The following STK32C variants were observed in gnomAD, a reference collection of about 807,000 sequenced individuals.
The protein encoded by STK32C is serine/threonine kinase 32C, also known as serine/threonine-protein kinase 32C.
Under a neutral mutation model 56.5 loss-of-function variants are expected in STK32C, and 31 were observed. That is an observed-to-expected ratio of 0.55 (90% CI 0.41 to 0.74). The LOEUF is 0.74. Ranked by LOEUF, STK32C falls within the 30% of genes least tolerant of loss-of-function variation. STK32C has a pLI of 0.00. For synonymous variants in STK32C, 309 were observed against 289.4 expected, an observed-to-expected ratio of 1.07 and a Z score of -0.69; for missense variants, 544 against 676.9, an observed-to-expected ratio of 0.80 and a Z score of 2.18.
chr10:132,224,068 T>C (rs1382586618), intron 8 of STK32C, among the ~76,000 whole-genome samples: 2 of 149,344 alleles, frequency 1.3e-5, no homozygotes, highest in Non-Finnish European at 3.0e-5. Context: ...TTCCAATACG[T>C]GGGACAAGGG....
chr10:132,268,181 A>G (rs923723781), intron 1 of STK32C, among the ~76,000 whole-genome samples: 12 of 137,242 alleles, frequency 8.7e-5, no homozygotes, highest in African/African-American at 3.4e-4. Context: ...ATGCATGTGT[A>G]TGCAGGTTCA....
intron 2 of STK32C, 40 bp from the exon 3 acceptor site, chr10:132,228,168 G>A (rs201883165): frequency 4.3e-5 from 69 of 1,613,026 alleles, no homozygotes; most frequent in Middle Eastern, 1.7e-4. Context: ...GCCTGAGGAC[G>A]CCTGGGGACA....
At chr10:132,232,812 TC>T (rs1420678114) in intron 2 of STK32C, among the ~76,000 whole-genome samples, 3 of 148,890 alleles carry the variant, frequency 2.0e-5, no homozygotes, top group African/African-American at 7.7e-5. Context: ...CCTGGGCTTT[TC>T]CTATGAAACG....
At position 132,324,413 on chromosome 10, in the gene STK32C, G is replaced by A. The variant is rs772875303; in HGVS notation, c.302-40C>T. Reference sequence around the variant, plus strand: ...AGAGGTCATCTTCACTTTGCAGTCTGAACTCTTTTCAAGGAAGAGCAATGT... The same window carrying A: ...AGAGGTCATCTTCACTTTGCAGTCTAAACTCTTTTCAAGGAAGAGCAATGT... On this transcript the variant is annotated intron_variant, in intron 1 of 1. Coordinates refer to the STK32C transcript ENST00000368619. The A allele has an allele frequency of 9.3e-6, 7 of 754,434 alleles. No individual in the cohort carries two copies. The South Asian group carries it at 9.8e-5, about 11-fold the overall frequency. 46.7% of individuals were successfully genotyped at this position (754,434 alleles called of 1,614,324 possible).
At chr10:132,233,180 G>A (rs1300817985) in intron 2 of STK32C, among the ~76,000 whole-genome samples, 1 of 152,138 alleles carries the variant, frequency 6.6e-6, no homozygotes, top group Non-Finnish European at 1.5e-5. Flanking sequence ...GCCCAGGACG[G>A]GGCTGGAGAA....
At chr10:132,282,473 ACCTGCGCCCACCTGTG>A (rs1207580323) in intron 1 of STK32C, among the ~76,000 whole-genome samples, 11,701 of 125,444 alleles carry the variant, frequency 0.093, 1,433 homozygotes, top group African/African-American at 0.3. Context: ...GCCCACCTGT[ACCTGCGCCCACCTGTG>A]CCTGCGCCCA....
intron 8 of STK32C, 127 bp downstream of exon 8, chr10:132,224,280 T>C: frequency 4.2e-6 from 3 of 708,268 alleles, no homozygotes; most frequent in Non-Finnish European, 7.3e-6. Context: ...CAGGTTGCAG[T>C]GAAGGGATCT....
chr10:132,307,415 G>C lies in STK32C; in HGVS notation c.262+157C>G, dbSNP rs1210405760. On this transcript the variant is annotated intron_variant, in intron 1 of 11. Coordinates refer to ENST00000298630, the MANE Select transcript of STK32C (RefSeq NM_173575.4). This position sits in a 1 kb window ranked among gnomAD's most constrained non-coding sequence, Gnocchi z 4.4. ...GCGGGCGGGCGCCCAGAACTCGCGT[G>C]GGGCCGCAGCCACCCGGCGCGAGCT... Among the ~76,000 whole-genome samples, 1 of 151,942 alleles carries C rather than the reference G, an allele frequency of 6.6e-6. No homozygotes were observed. Among genetic ancestry groups the C allele is most frequent in the East Asian group, 2.0e-4 (1 of 5,118 alleles).
intron 1 of STK32C, among the ~76,000 whole-genome samples, chr10:132,274,865 C>T (rs1224604685): frequency 6.6e-6 from 1 of 152,214 alleles, no homozygotes; most frequent in Non-Finnish European, 1.5e-5. Flanking sequence ...AAGGCTGAGT[C>T]ACTCCCAGGA....
At chr10:132,261,255 G>A (rs1238418637) in intron 1 of STK32C, among the ~76,000 whole-genome samples, 13 of 152,192 alleles carry the variant, frequency 8.5e-5, no homozygotes, top group South Asian at 2.1e-4. Flanking sequence ...GGAATGAGGC[G>A]CCTGGAACTG....
At chr10:132,253,514 G>A (rs2063988488) in intron 1 of STK32C, among the ~76,000 whole-genome samples, 2 of 102,036 alleles carry the variant, frequency 2.0e-5, no homozygotes, top group South Asian at 6.6e-4. Flanking sequence ...AGCTGAGGGA[G>A]CTGAGGGAGC....
chr10:132,248,492 A>C (rs1211254242), intron 1 of STK32C, among the ~76,000 whole-genome samples: 1 of 152,214 alleles, frequency 6.6e-6, no homozygotes, highest in Admixed American at 6.5e-5. Flanking sequence ...CTGTCCACCT[A>C]GGCTCCACCC....
chr10:132,313,842 G>A (rs187910485), intron 1 of STK32C, among the ~76,000 whole-genome samples: 156 of 152,376 alleles, frequency 1.0e-3, no homozygotes, highest in African/African-American at 3.4e-3. Flanking sequence ...CATGAGCTCC[G>A]TGGAAGGTGC....
chr10:132,248,849 G>T (rs934252930), intron 1 of STK32C, among the ~76,000 whole-genome samples: 16 of 152,200 alleles, frequency 1.1e-4, no homozygotes, highest in Non-Finnish European at 2.4e-4. Flanking sequence ...TAAGCCTCTG[G>T]CCCCCGAGCT....
At chr10:132,265,568 T>C (rs1452603734) in intron 1 of STK32C, among the ~76,000 whole-genome samples, 1 of 152,166 alleles carries the variant, frequency 6.6e-6, no homozygotes, top group East Asian at 1.9e-4. Flanking sequence ...CGCACAGCCC[T>C]GGGAGGCCTC....
In STK32C at chr10:132,211,258, G is replaced by A. The variant is rs76158858; in HGVS notation, c.1252-2157C>T. Among the ~76,000 whole-genome samples, 495 of 152,286 alleles carry A rather than the reference G, an allele frequency of 3.3e-3. 4 individuals are homozygous for A. Among genetic ancestry groups the A allele is most frequent in the African/African-American group, 0.012 (485 of 41,564 alleles). ...GAAGGTGACGGTGACCTAAGGCTCA[G>A]ACTACTCAGGAATGAGGGTCCGACT... On this transcript the variant is annotated intron_variant, in intron 10 of 11. Transcript: ENST00000298630.
intron 1 of STK32C, among the ~76,000 whole-genome samples, chr10:132,271,616 G>T (rs900830635): frequency 6.6e-6 from 1 of 152,218 alleles, no homozygotes; most frequent in South Asian, 2.1e-4. Flanking sequence ...ATGTCCGGCT[G>T]GGAGAGCTGG....
At chr10:132,277,710 C>T (rs1378979351) in intron 1 of STK32C, among the ~76,000 whole-genome samples, 1 of 152,210 alleles carries the variant, frequency 6.6e-6, no homozygotes, top group Non-Finnish European at 1.5e-5. Context: ...CTGGTCGGGG[C>T]AAAGCATTGT....
intron 1 of STK32C, among the ~76,000 whole-genome samples, chr10:132,326,890 T>C (rs547890741): frequency 6.6e-6 from 1 of 152,292 alleles, no homozygotes; most frequent in East Asian, 1.9e-4. Flanking sequence ...AGACTTTTGT[T>C]TTTGGTTTAC....
Sources: gnomAD v4.1 joint callset for allele counts (sites outside exome capture counted in the v4.1 genomes callset) on GRCh38, gnomAD v4.1.1 for gene constraint, Gnocchi (gnomAD v3.1) non-coding constraint, MANE v1.5 for transcripts, NCBI Gene and HGNC (gene_info 2026-07-23, HGNC 2026-07-21) for gene names.